The following PEBP4 variants were observed in gnomAD, a reference collection of about 807,000 sequenced individuals.
PEBP4 encodes phosphatidylethanolamine-binding protein 4.
Under a neutral mutation model 23.9 loss-of-function variants are expected in PEBP4, and 22 were observed. The observed-to-expected ratio is 0.92, with a 90% CI of 0.66 to 1.31. The LOEUF is 1.31. PEBP4 is among the 40% of genes most tolerant of loss of function. The pLI, the probability that PEBP4 is intolerant of heterozygous loss-of-function variation, is 0.00. For synonymous variants in PEBP4, 112 were observed against 99.3 expected (o/e 1.13, Z -0.76); for missense variants, 324 against 281.7 (o/e 1.15, Z -1.07).
intron 4 of PEBP4, among the ~76,000 whole-genome samples, chr8:22,773,010 T>C (rs945257763): frequency 6.6e-6 from 1 of 152,232 alleles, no homozygotes; most frequent in South Asian, 2.1e-4. Flanking sequence ...AGAACCCATC[T>C]TGGCCTTCCC....
chr8:22,792,701 G>C (rs1012284630), intron 4 of PEBP4, among the ~76,000 whole-genome samples: 1 of 152,096 alleles, frequency 6.6e-6, no homozygotes, highest in Non-Finnish European at 1.5e-5. Flanking sequence ...TACTGATGTG[G>C]AAAGGAAGGA....
At chr8:22,890,829 T>G (rs575233120) in intron 3 of PEBP4, among the ~76,000 whole-genome samples, 40 of 152,284 alleles carry the variant, frequency 2.6e-4, no homozygotes, top group African/African-American at 9.6e-4. Flanking sequence ...ATCTTCCCCC[T>G]TTTCTTTTTT....
chr8:22,790,097 CCT>C (rs1411147090), intron 4 of PEBP4, among the ~76,000 whole-genome samples: 1 of 152,334 alleles, frequency 6.6e-6, no homozygotes, highest in Non-Finnish European at 1.5e-5. Context: ...CCCCATCAAC[CCT>C]CTCTAAGTCT....
intron 4 of PEBP4, among the ~76,000 whole-genome samples, chr8:22,793,433 A>ATTTTT (rs11315221): frequency 8.3e-5 from 10 of 120,344 alleles, no homozygotes; most frequent in South Asian, 2.7e-4. Context: ...CGCCCAGCTC[A>ATTTTT]TTTTTTTTTT....
At chr8:22,823,080 G>C (rs1363259344) in intron 3 of PEBP4, among the ~76,000 whole-genome samples, 1 of 151,828 alleles carries the variant, frequency 6.6e-6, no homozygotes, top group African/African-American at 2.4e-5. Context: ...ACAATAATTA[G>C]AACAATATGG....
chr8:22,744,677 G>A (rs1343105453), intron 4 of PEBP4: 3 of 152,304 alleles, frequency 2.0e-5, no homozygotes, highest in Non-Finnish European at 4.4e-5. Flanking sequence ...CAGAAGAAGA[G>A]GAACATTTAG....
intron 4 of PEBP4, among the ~76,000 whole-genome samples, chr8:22,778,273 A>C (rs542717284): frequency 5.9e-5 from 9 of 151,864 alleles, no homozygotes; most frequent in African/African-American, 2.2e-4. Flanking sequence ...AAAGTCCCCA[A>C]CTGCCCCCGG....
chr8:22,808,852 A>AT (rs1439162579), intron 4 of PEBP4, among the ~76,000 whole-genome samples: 2 of 152,148 alleles, frequency 1.3e-5, no homozygotes, highest in African/African-American at 4.8e-5. Flanking sequence ...ATTTGATTTG[A>AT]TTTTTTTATT....
intron 2 of PEBP4, among the ~76,000 whole-genome samples, chr8:22,923,892 G>A (rs7008709): frequency 0.014 from 2,145 of 152,226 alleles, 48 homozygotes; most frequent in African/African-American, 0.049. Context: ...TGATTTTGGC[G>A]CTTCTCAGCC....
At chr8:22,790,845 T>C (rs1309906929) in intron 4 of PEBP4, among the ~76,000 whole-genome samples, 1 of 152,202 alleles carries the variant, frequency 6.6e-6, no homozygotes. Flanking sequence ...TATGTATAGA[T>C]ATTATGCATC....
intron 3 of PEBP4, among the ~76,000 whole-genome samples, chr8:22,818,735 G>A (rs1346779966): frequency 6.6e-6 from 1 of 152,222 alleles, no homozygotes; most frequent in Non-Finnish European, 1.5e-5. Flanking sequence ...CCAGTTAGGA[G>A]ACTCGCAGTA....
At chr8:22,780,667 C>T (rs543134041) in intron 4 of PEBP4, among the ~76,000 whole-genome samples, 1 of 152,262 alleles carries the variant, frequency 6.6e-6, no homozygotes, top group Non-Finnish European at 1.5e-5. Context: ...GCCATACACC[C>T]ACCAGGAAGA....
At chr8:22,782,953 G>T (rs1442749843) in intron 4 of PEBP4, among the ~76,000 whole-genome samples, 4 of 152,178 alleles carry the variant, frequency 2.6e-5, no homozygotes, top group Non-Finnish European at 5.9e-5. Context: ...CAGCTTTCCT[G>T]CCCAGACCCA....
chr8:22,892,707 C>A (rs1808517796), intron 3 of PEBP4, among the ~76,000 whole-genome samples: 1 of 152,132 alleles, frequency 6.6e-6, no homozygotes, highest in East Asian at 1.9e-4. Context: ...GTATCAGGAA[C>A]CAGATTTACC....
chr8:22,713,480 T>C lies in PEBP4; in HGVS notation c.574A>G (p.Ser192Gly). Residue 192 changes from serine (S) to glycine (G), a missense_variant, in exon 7 of 7, where the codon AGC becomes GGC. Ser to Gly is a moderately conservative substitution (Grantham distance 56). Coordinates refer to ENST00000256404, the MANE Select transcript of PEBP4 (RefSeq NM_144962.3). ...NRFHLGEPEA[S>G]TQFMTQNYQD... ...TAGTTCTGGGTCATGAACTGGGTGC[T>C]TGCTTCAGGTTCGCCCAGGTGGAAA... 6.2e-7 allele frequency: 1 copy of C among 1,614,140 alleles called. No individual in the cohort carries two copies. Among genetic ancestry groups the C allele is most frequent in the Non-Finnish European group, 8.5e-7 (1 of 1,180,010 alleles).
chr8:22,859,766 A>G (rs1210668814), intron 3 of PEBP4, among the ~76,000 whole-genome samples: 1 of 152,072 alleles, frequency 6.6e-6, no homozygotes, highest in Non-Finnish European at 1.5e-5. Context: ...GGGCCCTATC[A>G]GTCCAGCATC....
At chr8:22,851,817 T>C (rs758020720) in intron 3 of PEBP4, among the ~76,000 whole-genome samples, 28 of 151,990 alleles carry the variant, frequency 1.8e-4, no homozygotes, top group Non-Finnish European at 8.8e-5. Flanking sequence ...GACAGCCGGA[T>C]GCACTGCAAT....
chr8:22,893,788 A>G (rs1808542320), intron 3 of PEBP4, among the ~76,000 whole-genome samples: 1 of 152,222 alleles, frequency 6.6e-6, no homozygotes, highest in African/African-American at 2.4e-5. Flanking sequence ...AACCCACCAG[A>G]ATAGCATATC....
chr8:22,909,064 C>T (rs578085467), intron 3 of PEBP4, among the ~76,000 whole-genome samples: 10 of 152,186 alleles, frequency 6.6e-5, no homozygotes, highest in Non-Finnish European at 1.0e-4. Context: ...ATTTTTTTCA[C>T]TCCTGGGTGA....
Sources: allele counts gnomAD v4.1 joint callset (sites outside exome capture counted in the v4.1 genomes callset), GRCh38; gene constraint gnomAD v4.1.1; transcripts MANE v1.5; gene names NCBI Gene and HGNC (gene_info 2026-07-23, HGNC 2026-07-21).